CDH13: variants seen among roughly 807,000 people sequenced by gnomAD.
CDH13 encodes cadherin-13.
In CDH13, 24 loss-of-function variants were observed where a neutral mutation model predicts 63.8. That is an observed-to-expected ratio of 0.38 (90% CI 0.27 to 0.53). The LOEUF (loss-of-function observed/expected upper bound fraction) is 0.53. Among genes scored for constraint, CDH13 ranks in the 20% least tolerant of loss-of-function variants. The pLI is 0.85. For synonymous variants in CDH13, 503 were observed against 355.3 expected, an observed-to-expected ratio of 1.42 and a Z score of -4.67; for missense variants, 1,049 against 903.1, an observed-to-expected ratio of 1.16 and a Z score of -2.07.
chr16:82,818,145 G>A (rs2037817306), intron 1 of CDH13, among the ~76,000 whole-genome samples: 1 of 144,854 alleles, frequency 6.9e-6, no homozygotes, highest in Non-Finnish European at 1.5e-5. Flanking sequence ...TGTGTTTTGG[G>A]AAGACTAATT....
intron 8 of CDH13, among the ~76,000 whole-genome samples, chr16:83,649,851 G>C (rs1912195706): frequency 6.6e-6 from 1 of 152,200 alleles, no homozygotes; most frequent in African/African-American, 2.4e-5. Context: ...CTGAGGACCT[G>C]ATTCAAAAGG....
At chr16:82,953,485 G>C (rs1905589350) in intron 2 of CDH13, 1 of 152,198 alleles carries the variant, frequency 6.6e-6, no homozygotes, top group African/African-American at 2.4e-5. Flanking sequence ...AAATGATAAA[G>C]CTTCACAAAC....
chr16:83,061,279 G>A (rs551236671), intron 3 of CDH13, among the ~76,000 whole-genome samples: 2 of 152,306 alleles, frequency 1.3e-5, no homozygotes, highest in East Asian at 3.9e-4. Flanking sequence ...CTCAAGAGGT[G>A]ACTCTAATGG....
intron 1 of CDH13, among the ~76,000 whole-genome samples, chr16:82,687,237 A>G (rs1456669862): frequency 6.6e-6 from 1 of 152,192 alleles, no homozygotes; most frequent in East Asian, 1.9e-4. Context: ...GTAAAGGAGG[A>G]GGCAGGGTTT....
intron 11 of CDH13, among the ~76,000 whole-genome samples, chr16:83,753,561 A>G (rs370238624): frequency 6.6e-6 from 1 of 152,146 alleles, no homozygotes; most frequent in Non-Finnish European, 1.5e-5. Context: ...AAAAGTAAAT[A>G]GTGCTAACTG....
intron 6 of CDH13, among the ~76,000 whole-genome samples, chr16:83,481,666 C>A (rs13336590): frequency 0.017 from 2,604 of 152,308 alleles, 79 homozygotes; most frequent in African/African-American, 0.059. Flanking sequence ...GACTTTCAAC[C>A]AGGAACCTGG....
At chr16:82,679,223 A>T (rs780100830) in intron 1 of CDH13, among the ~76,000 whole-genome samples, 1 of 152,192 alleles carries the variant, frequency 6.6e-6, no homozygotes, top group Non-Finnish European at 1.5e-5. Context: ...CCAAGGAAGA[A>T]TGCAGAAATA....
chr16:82,654,222 G>A (rs1272881378), intron 1 of CDH13, among the ~76,000 whole-genome samples: 11 of 152,152 alleles, frequency 7.2e-5, no homozygotes, highest in African/African-American at 2.4e-4. Context: ...CAGCAGGTCC[G>A]AGTCTCTCTG....
At chr16:82,798,979 A>G (rs1464856655) in intron 1 of CDH13, among the ~76,000 whole-genome samples, 1 of 152,196 alleles carries the variant, frequency 6.6e-6, no homozygotes, top group Non-Finnish European at 1.5e-5. Context: ...AGGACCTGAC[A>G]GAGGTAGGAT....
At chr16:83,493,560 G>A (rs1472633828) in intron 7 of CDH13, among the ~76,000 whole-genome samples, 1 of 152,156 alleles carries the variant, frequency 6.6e-6, no homozygotes, top group East Asian at 1.9e-4. Context: ...CAGAAGGAAG[G>A]GCATCGTGGG....
intron 5 of CDH13, among the ~76,000 whole-genome samples, chr16:83,238,566 CAT>C (rs1904284780): frequency 6.6e-6 from 1 of 152,116 alleles, no homozygotes; most frequent in South Asian, 2.1e-4. Flanking sequence ...CCTGGGGAAA[CAT>C]GTGGTTGTGT....
chr16:83,053,307 G>C (rs1473668118), intron 3 of CDH13, among the ~76,000 whole-genome samples: 24 of 152,098 alleles, frequency 1.6e-4, no homozygotes, highest in Admixed American at 1.6e-3. Context: ...GGTCTCGGGA[G>C]GTGTCACTAG....
intron 1 of CDH13, among the ~76,000 whole-genome samples, chr16:82,811,864 C>T (rs1349269046): frequency 6.6e-6 from 1 of 152,126 alleles, no homozygotes; most frequent in East Asian, 1.9e-4. Context: ...ATGAGAATGC[C>T]AGAAGGGCCC....
At chr16:83,001,026 G>C (rs547447461) in intron 2 of CDH13, among the ~76,000 whole-genome samples, 10 of 152,274 alleles carry the variant, frequency 6.6e-5, no homozygotes, top group Non-Finnish European at 1.5e-4. Flanking sequence ...TGTATCACTT[G>C]TCTCCTGAAA....
At chr16:83,009,642 G>GATA (rs1913914567) in intron 2 of CDH13, among the ~76,000 whole-genome samples, 1 of 152,142 alleles carries the variant, frequency 6.6e-6, no homozygotes, top group African/African-American at 2.4e-5. Context: ...ATATTTAATA[G>GATA]CTGTTCTTTT....
At chr16:83,587,108 A>G (rs1204298939) in intron 7 of CDH13, among the ~76,000 whole-genome samples, 1 of 152,192 alleles carries the variant, frequency 6.6e-6, no homozygotes, top group African/African-American at 2.4e-5. Flanking sequence ...CTTTGCACGA[A>G]AATGCATTTG....
chr16:82,832,243 G>GTT (rs1555526190), intron 1 of CDH13, among the ~76,000 whole-genome samples: 2 of 151,416 alleles, frequency 1.3e-5, no homozygotes, highest in Non-Finnish European at 3.0e-5. Flanking sequence ...TTAAACCACT[G>GTT]TTTAATACTT....
chr16:83,159,144 C>T (rs1307943502), intron 4 of CDH13, among the ~76,000 whole-genome samples: 1 of 151,918 alleles, frequency 6.6e-6, no homozygotes, highest in Non-Finnish European at 1.5e-5. Flanking sequence ...TCCCATTTGC[C>T]CACAGTAGAG....
chr16:82,935,117 T>G (rs1446904040), intron 2 of CDH13, among the ~76,000 whole-genome samples: 1 of 152,174 alleles, frequency 6.6e-6, no homozygotes, highest in Non-Finnish European at 1.5e-5. Context: ...GTGGTTTAAT[T>G]GACTCACAGT....
Sources: gnomAD v4.1 joint callset for allele counts (sites outside exome capture counted in the v4.1 genomes callset) on GRCh38, gnomAD v4.1.1 for gene constraint, MANE v1.5 for transcripts, NCBI Gene and HGNC (gene_info 2026-07-23, HGNC 2026-07-21) for gene names.